BCL9: variants seen among roughly 807,000 people sequenced by gnomAD.
BCL9 encodes the protein BCL9 transcription coactivator.
Under a neutral mutation model 88.5 loss-of-function variants are expected in BCL9, and 25 were observed. That is an observed-to-expected ratio of 0.28 (90% CI 0.21 to 0.39). The LOEUF is 0.39. Among genes scored for constraint, BCL9 ranks in the 10% least tolerant of loss-of-function variants. The pLI, the probability that BCL9 is intolerant of heterozygous loss-of-function variation, is 1.00. For missense variants in BCL9, 1,817 were observed against 1,877.8 expected, an observed-to-expected ratio of 0.97 and a Z score of 0.60; for synonymous variants, 711 against 673.3, an observed-to-expected ratio of 1.06 and a Z score of -0.87.
intron 1 of BCL9, among the ~76,000 whole-genome samples, chr1:147,597,266 T>C (rs1174160128): frequency 6.6e-6 from 1 of 152,130 alleles, no homozygotes; most frequent in Non-Finnish European, 1.5e-5. Context: ...AGTTTACAGG[T>C]GGAAAAACTG....
chr1:147,558,956 C>A (rs1655244177), intron 1 of BCL9, among the ~76,000 whole-genome samples: 1 of 152,186 alleles, frequency 6.6e-6, no homozygotes, highest in East Asian at 1.9e-4. Flanking sequence ...CCCCCTACTT[C>A]ATCTCCTTTA....
chr1:147,585,730 C>G (rs587701044), intron 1 of BCL9, among the ~76,000 whole-genome samples: 6 of 152,274 alleles, frequency 3.9e-5, no homozygotes, highest in African/African-American at 1.4e-4. Context: ...TATTGTTTAG[C>G]ATTTCTAGCA....
intron 1 of BCL9, among the ~76,000 whole-genome samples, chr1:147,551,237 A>G (rs906976353): frequency 6.6e-6 from 1 of 152,332 alleles, no homozygotes; most frequent in South Asian, 2.1e-4. Context: ...GCCCAACATC[A>G]TCCAATTAGT....
At chr1:147,578,723 T>C (rs147983486) in intron 1 of BCL9, among the ~76,000 whole-genome samples, 172 of 152,322 alleles carry the variant, frequency 1.1e-3, no homozygotes, top group African/African-American at 3.8e-3. Flanking sequence ...TTCCCTTAAT[T>C]TGCATTTCAT....
At chr1:147,611,120 TTGGGG>T (rs782154967) in intron 3 of BCL9, among the ~76,000 whole-genome samples, 7 of 152,156 alleles carry the variant, frequency 4.6e-5, no homozygotes, top group Non-Finnish European at 8.8e-5. Context: ...TGGTTTGAAA[TTGGGG>T]GGGTTGTTTC....
intron 1 of BCL9, among the ~76,000 whole-genome samples, chr1:147,546,611 T>C (rs1654606330): frequency 6.6e-6 from 1 of 152,236 alleles, no homozygotes; most frequent in African/African-American, 2.4e-5. Context: ...TCAGTATTTT[T>C]CTGATTCTGT....
In BCL9 at chr1:147,619,804, C is replaced by T. The variant is rs781945699; in HGVS notation, c.1649C>T (p.Ala550Val). Residue 550 changes from alanine (A) to valine (V), a missense_variant, in exon 8 of 10, where the codon GCT becomes GTT. This residue lies in a region of BCL9 where 1,228 missense variants were observed against 1,191.6 expected (regional missense o/e 1.03). Transcript: ENST00000234739. The surrounding 1 kb of genome is among the most constrained non-coding windows in gnomAD (Gnocchi z 4.1). The stretch of plus-strand genomic sequence containing the variant: ...CATTCTCTGCCCCCGAGGGGCATGG[C>T]TCCCCACCCCAACATGCCAGGGAGC... ...MPHSLPPRGMAPHPNMPGSQM... is the reference protein window; with the variant it reads ...MPHSLPPRGMVPHPNMPGSQM... The T allele has an allele frequency of 1.2e-6, 2 of 1,614,152 alleles. No individual in the cohort carries two copies.
intron 1 of BCL9, among the ~76,000 whole-genome samples, chr1:147,543,293 G>T (rs1164651957): frequency 6.6e-6 from 1 of 152,102 alleles, no homozygotes; most frequent in Non-Finnish European, 1.5e-5. Context: ...TCTGCTACTT[G>T]TCCAAAAAAA....
chr1:147,622,146 T>C, intron 8 of BCL9, 125 bp from the exon 9 acceptor site: 1 of 1,307,566 alleles, frequency 7.6e-7, no homozygotes, highest in Admixed American at 2.1e-5. Context: ...GTGTCTGGGA[T>C]CTAATAACAC....
At chr1:147,582,999 G>A (rs782179395) in intron 1 of BCL9, among the ~76,000 whole-genome samples, 5 of 152,146 alleles carry the variant, frequency 3.3e-5, no homozygotes, top group African/African-American at 9.7e-5. Flanking sequence ...TGTTTGCCAC[G>A]TAACAGGCCC....
chr1:147,615,652 G>T, intron 6 of BCL9, 151 bp from the exon 7 acceptor site: 1 of 574,940 alleles, frequency 1.7e-6, no homozygotes. Flanking sequence ...AATGAAACAT[G>T]TTTGTCTTGA....
intron 1 of BCL9, among the ~76,000 whole-genome samples, chr1:147,545,920 G>A (rs1352489866): frequency 2.0e-5 from 3 of 152,120 alleles, no homozygotes; most frequent in Non-Finnish European, 4.4e-5. Context: ...AGAAAATGAG[G>A]GGTGAAACTG....
chr1:147,580,098 T>G (rs1656298299), intron 1 of BCL9, among the ~76,000 whole-genome samples: 1 of 152,122 alleles, frequency 6.6e-6, no homozygotes, highest in Non-Finnish European at 1.5e-5. Context: ...CCTGCCTCCA[T>G]GCCATAGGTC....
intron 1 of BCL9, among the ~76,000 whole-genome samples, chr1:147,550,964 A>G (rs971526691): frequency 4.6e-5 from 7 of 152,374 alleles, no homozygotes; most frequent in Middle Eastern, 3.4e-3. Context: ...ATTCTAGAAC[A>G]TAAGGAGGAA....
chr1:147,542,541 GATC>G (rs374941881), intron 1 of BCL9, among the ~76,000 whole-genome samples: 25 of 152,276 alleles, frequency 1.6e-4, no homozygotes, highest in African/African-American at 5.8e-4. Flanking sequence ...CATTATTCTT[GATC>G]ATCATCATCA....
chr1:147,588,383 C>T (rs1368897746), intron 1 of BCL9, among the ~76,000 whole-genome samples: 1 of 152,038 alleles, frequency 6.6e-6, no homozygotes, highest in Non-Finnish European at 1.5e-5. Context: ...TGACCTTAAA[C>T]TCTCAGATTC....
chr1:147,564,980 T>C lies in BCL9; in HGVS notation c.-478+23306T>C, dbSNP rs112361173. On this transcript the variant is annotated intron_variant, in intron 1 of 9. Transcript: ENST00000234739. ...CACTAGCCTAATTTCGAGTACTCAA[T>C]AGCTACATGTAACTAGTGGCTACCA... 2.3e-3 allele frequency among the ~76,000 whole-genome samples: 347 copies of C among 152,298 alleles called. 3 individuals are homozygous for C. Among genetic ancestry groups the C allele is most frequent in the African/African-American group, 8.0e-3 (331 of 41,570 alleles).
rs112532122 is a variant in BCL9 at position 147,545,015 on chromosome 1, C to CT, written c.-478+3350dup. On this transcript the variant is annotated intron_variant, in intron 1 of 9. Transcript: ENST00000234739. ...GTTGTCTTCAGTGTTGTCAATCCAT[C>CT]TTTTTTTTTAAGATTAATTTAATAG... is the stretch of plus-strand genomic sequence containing the variant. 1.6e-4 allele frequency among the ~76,000 whole-genome samples: 24 copies of CT among 151,506 alleles called. No homozygotes were observed. In the Middle Eastern group the frequency reaches 0.01, roughly 64 times the overall value.
At chr1:147,554,594 AG>A (rs1655024341) in intron 1 of BCL9, among the ~76,000 whole-genome samples, 1 of 152,204 alleles carries the variant, frequency 6.6e-6, no homozygotes, top group African/African-American at 2.4e-5. Flanking sequence ...ATGACAGCTC[AG>A]GGTTTGTGAA....
Sources: gnomAD v4.1 joint callset for allele counts (sites outside exome capture counted in the v4.1 genomes callset) on GRCh38, gnomAD v4.1.1 for gene constraint, gnomAD v4.1.1 regional missense constraint, Gnocchi (gnomAD v3.1) non-coding constraint, MANE v1.5 for transcripts, NCBI Gene and HGNC (gene_info 2026-07-23, HGNC 2026-07-21) for gene names.